LGR6: variants seen among roughly 807,000 people sequenced by gnomAD.
The protein encoded by LGR6 is leucine-rich repeat-containing G protein-coupled receptor 6.
A neutral mutation model predicts 69.4 loss-of-function variants in LGR6; 45 were observed. The ratio of observed to expected loss-of-function variants is 0.65; its 90% CI spans 0.51 to 0.83. The LOEUF is 0.83. LGR6 is among the 40% of genes least tolerant of loss of function. LGR6 has a pLI of 0.00. For synonymous variants in LGR6, 538 were observed against 555.0 expected (o/e 0.97, Z 0.43); for missense variants, 1,108 against 1,246.7 (o/e 0.89, Z 1.68).
At chr1:202,301,131 A>G (rs375015427) in intron 8 of LGR6, 33 bp from the exon 9 acceptor site, 44 of 1,605,754 alleles carry the variant, frequency 2.7e-5, no homozygotes, top group Non-Finnish European at 3.4e-5. Context: ...GGCCTGAAAA[A>G]CCCAATTAGG....
Position 202,318,261 on chromosome 1 carries a change from C to T in LGR6, c.1958C>T (p.Ser653Leu), listed in dbSNP as rs149840910. The T allele has an allele frequency of 6.8e-6, 11 of 1,608,796 alleles. No homozygotes were observed. The highest frequency in any genetic ancestry group is 2.2e-5 in the East Asian group (1 of 44,786). ...ACTGGCTTCCTGGCAGTACTTGGGT[C>T]GGAGGCATCGGTGCTGCTGCTCACT... ...RATGFLAVLG[S>L]EASVLLLTLA... Residue 653 changes from serine (S) to leucine (L), a missense_variant, in exon 18 of 18, where the codon TCG (serine) becomes TTG (leucine). Coordinates refer to ENST00000367278, the MANE Select transcript of LGR6 (RefSeq NM_001017403.2).
Position 202,200,370 on chromosome 1 carries a change from G to T in LGR6, c.212+6169G>T, listed in dbSNP as rs964870752. Among the ~76,000 whole-genome samples, 6 of 152,216 alleles carry T rather than the reference G, an allele frequency of 3.9e-5. No individual in the cohort carries two copies. The South Asian group carries it at 6.2e-4, about 16-fold the overall frequency. ...AAGCAGGGGTGAATGGGTCATTTGG[G>T]ATTGGGAGTGTTGTTGTGGGGGTTG... On this transcript the variant is annotated intron_variant, in intron 1 of 17. Transcript: ENST00000367278.
intron 4 of LGR6, among the ~76,000 whole-genome samples, chr1:202,237,878 C>T (rs1460225600): frequency 6.6e-6 from 1 of 151,896 alleles, no homozygotes; most frequent in East Asian, 1.9e-4. Flanking sequence ...GTCATTTGCC[C>T]TCTCTGCACC....
At chr1:202,222,372 G>A (rs1660219247) in intron 1 of LGR6, among the ~76,000 whole-genome samples, 1 of 152,128 alleles carries the variant, frequency 6.6e-6, no homozygotes, top group African/African-American at 2.4e-5. Context: ...CTCCGCAGGG[G>A]AGAACAATGA....
chr1:202,272,888 C>T (rs1665221609), intron 4 of LGR6, among the ~76,000 whole-genome samples: 1 of 152,254 alleles, frequency 6.6e-6, no homozygotes, highest in Non-Finnish European at 1.5e-5. Flanking sequence ...CTCCTAGCAC[C>T]TCCTTATGGT....
chr1:202,305,614 C>G (rs574700348), intron 11 of LGR6, 70 bp from the exon 12 acceptor site: 1 of 1,330,364 alleles, frequency 7.5e-7, no homozygotes, highest in East Asian at 2.3e-5. Flanking sequence ...CTGGCTAGAG[C>G]CCCCCGTCCC....
intron 16 of LGR6, among the ~76,000 whole-genome samples, chr1:202,312,633 C>A (rs78430720): frequency 0.091 from 13,780 of 152,182 alleles, 801 homozygotes; most frequent in Non-Finnish European, 0.13. Flanking sequence ...GAGGAAGAGC[C>A]CACAGGATGC....
intron 6 of LGR6, among the ~76,000 whole-genome samples, chr1:202,285,535 G>A (rs1666329814): frequency 6.6e-6 from 1 of 152,208 alleles, no homozygotes; most frequent in African/African-American, 2.4e-5. Context: ...AAGATTGTTG[G>A]CAAGGATCGC....
At chr1:202,223,468 C>G (rs993418019) in intron 1 of LGR6, among the ~76,000 whole-genome samples, 1 of 152,102 alleles carries the variant, frequency 6.6e-6, no homozygotes, top group African/African-American at 2.4e-5. Flanking sequence ...AAAGCACACG[C>G]ATTTCTTGGG....
intron 4 of LGR6, among the ~76,000 whole-genome samples, chr1:202,272,874 C>T (rs1291859683): frequency 6.6e-6 from 1 of 152,218 alleles, no homozygotes; most frequent in Non-Finnish European, 1.5e-5. Context: ...CACTTCCTGC[C>T]TGCCTCCTAG....
chr1:202,200,941 G>A (rs149367352), intron 1 of LGR6, among the ~76,000 whole-genome samples: 1,653 of 152,292 alleles, frequency 0.011, 38 homozygotes, highest in African/African-American at 0.038. Context: ...AGCTGGGCCC[G>A]GCTACTTAAG....
At chr1:202,291,296 T>C (rs1049446579) in intron 6 of LGR6, among the ~76,000 whole-genome samples, 10 of 152,168 alleles carry the variant, frequency 6.6e-5, no homozygotes, top group African/African-American at 2.4e-4. Context: ...TCTGGCTGAT[T>C]GTGGGCTGTT....
At chr1:202,207,592 C>T (rs1659301716) in intron 1 of LGR6, among the ~76,000 whole-genome samples, 1 of 152,124 alleles carries the variant, frequency 6.6e-6, no homozygotes, top group African/African-American at 2.4e-5. Context: ...GTGTGTTGGC[C>T]TCCTTCCCAG....
chr1:202,253,411 T>A (rs1008651664), intron 4 of LGR6, among the ~76,000 whole-genome samples: 2 of 151,508 alleles, frequency 1.3e-5, no homozygotes, highest in African/African-American at 4.9e-5. Context: ...CAAGCTACTC[T>A]CCTGCCTCAG....
chr1:202,255,673 T>G (rs1198799387), intron 4 of LGR6, among the ~76,000 whole-genome samples: 1 of 152,096 alleles, frequency 6.6e-6, no homozygotes, highest in African/African-American at 2.4e-5. Flanking sequence ...AAGAAGAAAA[T>G]AAAAATCACC....
intron 4 of LGR6, among the ~76,000 whole-genome samples, chr1:202,238,305 T>G (rs1661785542): frequency 6.6e-6 from 1 of 152,078 alleles, no homozygotes; most frequent in African/African-American, 2.4e-5. Context: ...TTTTGCCATG[T>G]TGTCCAGGCT....
intron 1 of LGR6, among the ~76,000 whole-genome samples, chr1:202,219,874 T>C (rs1383407897): frequency 2.6e-5 from 4 of 152,144 alleles, no homozygotes; most frequent in South Asian, 2.1e-4. Context: ...TATTTATTTA[T>C]TTATTTTATT....
intron 3 of LGR6, 125 bp from the exon 4 acceptor site, chr1:202,235,797 G>A (rs558920885): frequency 1.5e-4 from 111 of 745,398 alleles, no homozygotes; most frequent in South Asian, 3.2e-4. Flanking sequence ...TCTCTCTGGG[G>A]CTCTGAGGCT....
At chr1:202,222,468 G>T (rs1660227541) in intron 1 of LGR6, among the ~76,000 whole-genome samples, 1 of 152,158 alleles carries the variant, frequency 6.6e-6, no homozygotes, top group African/African-American at 2.4e-5. Context: ...CCCGGCCCCT[G>T]GGGGGACAGC....
Sources: allele counts gnomAD v4.1 joint callset (sites outside exome capture counted in the v4.1 genomes callset), GRCh38; gene constraint gnomAD v4.1.1; transcripts MANE v1.5; gene names NCBI Gene and HGNC (gene_info 2026-07-23, HGNC 2026-07-21).